The following PAX6 variants were observed in gnomAD, a reference collection of about 807,000 sequenced individuals.
PAX6 encodes paired box 6.
PAX6 carries 7 observed loss-of-function variants against 60.7 expected under a neutral mutation model. That is an observed-to-expected ratio of 0.12 (90% CI 0.07 to 0.22). The LOEUF is 0.22. Ranked by LOEUF, PAX6 falls within the 10% of genes least tolerant of loss-of-function variation. The probability of loss-of-function intolerance (pLI) is 1.00; values close to 1 mark genes in which losing one functional copy is unlikely to be tolerated. For missense variants in PAX6, 355 were observed against 555.2 expected, an observed-to-expected ratio of 0.64 and a Z score of 3.62; for synonymous variants, 208 against 201.2, an observed-to-expected ratio of 1.03 and a Z score of -0.29.
chr11:31,802,883 G>A (rs764457166), intron 4 of PAX6, 49 bp from the exon 5 acceptor site: 17 of 1,570,264 alleles, frequency 1.1e-5, no homozygotes, highest in Non-Finnish European at 1.4e-5. Context: ...GAAGAGAGCA[G>A]AGTGAAGAGG....
upstream of PAX6, among the ~76,000 whole-genome samples, chr11:31,815,166 C>T (rs1299130872): frequency 6.6e-6 from 1 of 152,214 alleles, no homozygotes; most frequent in African/African-American, 2.4e-5. Flanking sequence ...TCCCTCCATG[C>T]TGTTGTCCAG....
At chr11:31,816,902 C>A (rs976644042) in intron 1 of PAX6, among the ~76,000 whole-genome samples, 1 of 152,260 alleles carries the variant, frequency 6.6e-6, no homozygotes, top group African/African-American at 2.4e-5. Flanking sequence ...CCGGCCTGGG[C>A]GTCTCCAGCT....
chr11:31,796,407 T>C lies in PAX6; in HGVS notation c.566-1619A>G, dbSNP rs548476855. Among the ~76,000 whole-genome samples, 7 of 149,864 alleles carry C rather than the reference T, an allele frequency of 4.7e-5. No homozygotes were observed. The East Asian group carries it at 1.2e-3, about 26-fold the overall frequency. ...CAGTGAAGTGTGTTAACCCCTCTGC[T>C]CTGCTATCATTAATCACTGTCCGAA... On this transcript the variant is annotated intron_variant, in intron 8 of 13. Coordinates refer to ENST00000640368, the MANE Select transcript of PAX6 (RefSeq NM_001368894.2).
At chr11:31,802,518 T>G in intron 5 of PAX6, 186 bp downstream of exon 5, 19 of 558,622 alleles carry the variant, frequency 3.4e-5, no homozygotes, top group Middle Eastern at 4.8e-4. Context: ...TTGAAAGAGA[T>G]AGGGAAGGAT....
At chr11:31,795,177 T>C (rs1951137273) in intron 8 of PAX6, among the ~76,000 whole-genome samples, 1 of 152,256 alleles carries the variant, frequency 6.6e-6, no homozygotes, top group Non-Finnish European at 1.5e-5. Context: ...AAGATTTCAG[T>C]TGATCTATAA....
chr11:31,800,860 C>CAAATCAAACCA lies in PAX6; in HGVS notation c.400-15_400-5dup, dbSNP rs758179195. On this transcript the variant is annotated splice_region_variant and splice_polypyrimidine_tract_variant and intron_variant, in intron 7 of 13. Transcript: ENST00000640368. ...GAACTCTGTTTATTGATGACACCTGCAAATCAAACCAAAATCAAACCAAAT... is the reference window on the plus strand; with the variant it reads ...GAACTCTGTTTATTGATGACACCTGCAAATCAAACCAAAATCAAACCAAAATCAAACCAAAT... 5.0e-6 allele frequency: 8 copies of CAAATCAAACCA among 1,613,900 alleles called. No individual in the cohort carries two copies. The South Asian group carries it at 7.7e-5, about 16-fold the overall frequency.
chr11:31,800,060 C>A (rs1383603923), intron 8 of PAX6, among the ~76,000 whole-genome samples: 1 of 151,808 alleles, frequency 6.6e-6, no homozygotes, highest in African/African-American at 2.4e-5. Context: ...GGCATCCCGC[C>A]GTCCTGCTCA....
At chr11:31,810,278 A>G (rs1956777981) in intron 2 of PAX6, 1 of 152,154 alleles carries the variant, frequency 6.6e-6, no homozygotes, top group Admixed American at 6.5e-5. Context: ...CCAGTGCGGC[A>G]CAAAGCCCGA....
At position 31,790,724 on chromosome 11, in the gene PAX6, C is replaced by T; in HGVS notation, c.1211G>A (p.Gly404Asp). 6.2e-7 allele frequency: 1 copy of T among 1,613,988 alleles called. No individual in the cohort carries two copies. Among genetic ancestry groups the T allele is most frequent in the Non-Finnish European group, 8.5e-7 (1 of 1,180,012 alleles). ...CAGTGGCTCACCTGTTGAAGTGGTG[C>T]CCGAGGTGCCCATTGGCTGACTGTT... is the stretch of plus-strand genomic sequence containing the variant. ...HMNSQPMGTS[G>D]TTSTGLISPG... The change falls in exon 13 of 14, where the codon GGC becomes GAC. Residue 404 changes from glycine (G) to aspartate (D), a missense_variant. By Grantham distance (94) the Gly-to-Asp change is moderately conservative (BLOSUM62 -1). Coordinates refer to ENST00000640368, the MANE Select transcript of PAX6 (RefSeq NM_001368894.2).
rs1457997750 is a variant in PAX6, at chr11:31,789,774, C to T, written c.*160G>A. 1 of 734,546 alleles carries T rather than the reference C, an allele frequency of 1.4e-6. No individual in the cohort carries two copies. The highest frequency in any genetic ancestry group is 2.5e-6 in the Non-Finnish European group (1 of 407,130). 45.5% of individuals were successfully genotyped at this position (734,546 alleles called of 1,614,324 possible). A position where few individuals can be genotyped will look rare whatever the true frequency, so the allele number is the denominator to read the frequency against. ...TATACAAAGGTCCTTGTTTCAAGTC[C>T]ATTCCTTCCCCAGTGGTACAATACA... On this transcript the variant is annotated 3_prime_UTR_variant, in exon 14 of 14. Coordinates refer to ENST00000640368, the MANE Select transcript of PAX6 (RefSeq NM_001368894.2).
At chr11:31,798,471 G>A (rs1952395021) in intron 8 of PAX6, among the ~76,000 whole-genome samples, 1 of 152,214 alleles carries the variant, frequency 6.6e-6, no homozygotes, top group Admixed American at 6.5e-5. Context: ...GGGCTAGGGA[G>A]GGAGGGGGAC....
chr11:31,805,264 T>G (rs1170810931), intron 4 of PAX6: 1 of 152,026 alleles, frequency 6.6e-6, no homozygotes. Context: ...GAGTCTGAGC[T>G]CCAAGGGGAG....
At chr11:31,792,965 T>A (rs909348950) in intron 12 of PAX6, 2 of 415,080 alleles carry the variant, frequency 4.8e-6, no homozygotes, top group Non-Finnish European at 8.7e-6. Context: ...CCATTTCTGA[T>A]CCTTTTTTCT....
upstream of PAX6, chr11:31,816,235 T>G: frequency 9.3e-6 from 2 of 215,744 alleles, no homozygotes; most frequent in Non-Finnish European, 9.1e-6. Context: ...TCCTTTCCAA[T>G]TCTAAAATAA....
At chr11:31,802,178 AT>A (rs1402430916) in intron 5 of PAX6, 2 of 480,244 alleles carry the variant, frequency 4.2e-6, no homozygotes, top group Admixed American at 3.9e-5. Context: ...AAGGTAAAAA[AT>A]AAACTGATTT....
At position 31,806,476 on chromosome 11, in the gene PAX6, A is replaced by C; in HGVS notation, c.-51-14T>G. ...GAATATGGGGCTCTGTTAGCAAGAA[A>C]ATAGGAGTTAATCCTCGGGCAGCTG... On this transcript the variant is annotated splice_polypyrimidine_tract_variant and intron_variant, in intron 3 of 13. Transcript: ENST00000640368. The C allele has an allele frequency of 6.4e-7, 1 of 1,574,188 alleles. No individual in the cohort carries two copies. Among genetic ancestry groups the C allele is most frequent in the South Asian group, 1.2e-5 (1 of 85,876 alleles).
At chr11:31,810,166 T>A (rs946035268) in intron 2 of PAX6, 2 of 152,330 alleles carry the variant, frequency 1.3e-5, no homozygotes, top group Admixed American at 1.3e-4. Flanking sequence ...TCCCTCTACC[T>A]CCAGCGTGCG....
chr11:31,793,566 G>T lies in PAX6; in HGVS notation c.959-13C>A. ...GTGAAGGAGGAAACTGAGGGCAAGA[G>T]AAATGACAGTAGTCAGAGTGAGAGT... On this transcript the variant is annotated splice_polypyrimidine_tract_variant and intron_variant, in intron 11 of 13. Coordinates refer to ENST00000640368, the MANE Select transcript of PAX6 (RefSeq NM_001368894.2). 1 of 1,613,854 alleles carries T rather than the reference G, an allele frequency of 6.2e-7. No homozygotes were observed. Among genetic ancestry groups the T allele is most frequent in the Non-Finnish European group, 8.5e-7 (1 of 1,179,660 alleles).
chr11:31,790,922 G>A (rs1024401851), intron 12 of PAX6, 62 bp from the exon 13 acceptor site: 2 of 1,563,864 alleles, frequency 1.3e-6, no homozygotes, highest in Non-Finnish European at 8.7e-7. Context: ...ACAGCCCCAG[G>A]CTCCCTCCTC....
Sources: gnomAD v4.1 joint callset for allele counts (sites outside exome capture counted in the v4.1 genomes callset) on GRCh38, gnomAD v4.1.1 for gene constraint, MANE v1.5 for transcripts, NCBI Gene and HGNC (gene_info 2026-07-23, HGNC 2026-07-21) for gene names.